The following PARVG variants were observed in gnomAD, a reference collection of about 807,000 sequenced individuals.
PARVG encodes the protein gamma-parvin.
PARVG carries 36 observed loss-of-function variants against 44.4 expected under a neutral mutation model. The observed-to-expected ratio is 0.81, with a 90% CI of 0.62 to 1.07. PARVG has a LOEUF of 1.07. Among genes scored for constraint, PARVG ranks in the 50% least tolerant of loss-of-function variants. The pLI is 0.00. For synonymous variants in PARVG, 170 were observed against 174.1 expected, an observed-to-expected ratio of 0.98 and a Z score of 0.19; for missense variants, 407 against 407.4, an observed-to-expected ratio of 1.00 and a Z score of 0.01.
chr22:44,177,267 C>T (rs763349868), upstream of PARVG, among the ~76,000 whole-genome samples: 1 of 152,158 alleles, frequency 6.6e-6, no homozygotes, highest in Non-Finnish European at 1.5e-5. Context: ...AAGTTGCATG[C>T]ATTATATCCT....
intron 8 of PARVG, among the ~76,000 whole-genome samples, chr22:44,192,801 C>T (rs1037240556): frequency 4.6e-5 from 7 of 152,182 alleles, no homozygotes; most frequent in Non-Finnish European, 7.4e-5. Flanking sequence ...CTAGGGCTGG[C>T]CATCTTGCTC....
intron 5 of PARVG, 167 bp from the exon 6 acceptor site, chr22:44,188,947 A>T: frequency 1.2e-6 from 1 of 808,632 alleles, no homozygotes; most frequent in East Asian, 2.6e-5. Flanking sequence ...GCTGGAGGGC[A>T]TACCCGATTG....
chr22:44,181,379 C>T, intron 1 of PARVG, 194 bp downstream of exon 1: 8 of 985,474 alleles, frequency 8.1e-6, no homozygotes, highest in Non-Finnish European at 9.6e-6. Context: ...AGGTAGGAGT[C>T]TCCTGCGTGG....
Position 44,181,341 on chromosome 22 carries a change from G to T in PARVG, c.-189+156G>T, listed in dbSNP as rs566456481. ...GCCTCAGCTCAGGGGCGGGCAGGGG[G>T]CGTGGGGAAGTCTGCAGCCGAGAGT... On this transcript the variant is annotated intron_variant, in intron 1 of 13. Coordinates refer to ENST00000444313, the MANE Select transcript of PARVG (RefSeq NM_022141.7). 3.9e-4 allele frequency: 388 copies of T among 985,532 alleles called. 2 individuals are homozygous for T. The African/African-American group carries it at 5.8e-3, about 15-fold the overall frequency. The allele number at this position is 985,532 out of a possible 1,614,324, so 61.0% of individuals were successfully genotyped here. A position where few individuals can be genotyped will look rare whatever the true frequency, so the allele number is the denominator to read the frequency against.
chr22:44,183,605 T>C (rs2147219148), intron 3 of PARVG, 197 bp downstream of exon 3: 1 of 526,376 alleles, frequency 1.9e-6, no homozygotes, highest in Admixed American at 4.0e-5. Flanking sequence ...GAACCTCTTC[T>C]CTCCAGATGA....
At chr22:44,173,839 G>A (rs960134969) in intron 1 of PARVG, among the ~76,000 whole-genome samples, 2 of 152,144 alleles carry the variant, frequency 1.3e-5, no homozygotes, top group Admixed American at 6.5e-5. Context: ...ATCCCACAGT[G>A]CACGGGACAG....
intron 1 of PARVG, among the ~76,000 whole-genome samples, chr22:44,175,009 C>G (rs1569173847): frequency 6.6e-6 from 1 of 152,182 alleles, no homozygotes; most frequent in Admixed American, 6.5e-5. Flanking sequence ...GTAATCCCAG[C>G]TACTAGGGAG....
chr22:44,187,397 G>C, intron 4 of PARVG: 1 of 272,516 alleles, frequency 3.7e-6, no homozygotes, highest in Non-Finnish European at 7.1e-6. Context: ...TATTTCTACT[G>C]ACCACCTCTT....
intron 12 of PARVG, among the ~76,000 whole-genome samples, chr22:44,200,093 C>A (rs185633735): frequency 1.4e-3 from 219 of 152,300 alleles, no homozygotes; most frequent in Non-Finnish European, 2.4e-3. Context: ...GTCCTGCCTC[C>A]GCCCCCGCCA....
chr22:44,197,468 G>A (rs1412287857), intron 11 of PARVG, among the ~76,000 whole-genome samples: 1 of 152,214 alleles, frequency 6.6e-6, no homozygotes. Flanking sequence ...TTTGAACCCA[G>A]GCAGCTGGGG....
intron 12 of PARVG, among the ~76,000 whole-genome samples, chr22:44,200,307 G>A (rs909430620): frequency 1.3e-5 from 2 of 152,346 alleles, no homozygotes; most frequent in African/African-American, 4.8e-5. Context: ...CAGGCAAGAG[G>A]CCTGAGTCTT....
At chr22:44,189,033 G>T (rs2054512460) in intron 5 of PARVG, 81 bp from the exon 6 acceptor site, 1 of 1,571,602 alleles carries the variant, frequency 6.4e-7, no homozygotes. Context: ...CACCAGGCAG[G>T]CTCAGCCTCC....
chr22:44,177,822 C>T (rs1420131462), upstream of PARVG, among the ~76,000 whole-genome samples: 2 of 152,180 alleles, frequency 1.3e-5, no homozygotes, highest in African/African-American at 2.4e-5. Flanking sequence ...GCCGTGATCA[C>T]ACCACTGCAC....
chr22:44,176,384 A>C (rs1349329264), upstream of PARVG, among the ~76,000 whole-genome samples: 1 of 152,188 alleles, frequency 6.6e-6, no homozygotes, highest in Non-Finnish European at 1.5e-5. Flanking sequence ...AAAATTCTGT[A>C]TGTGTCTGGT....
intron 6 of PARVG, 96 bp downstream of exon 6, chr22:44,189,350 C>A: frequency 6.6e-7 from 1 of 1,510,676 alleles, no homozygotes; most frequent in Non-Finnish European, 8.9e-7. Context: ...CGCACTCATC[C>A]TTCTCCCAGC....
rs1195622283 is a variant in PARVG, at chr22:44,208,446, T to C, written c.*2020T>C. 6.6e-6 allele frequency: 1 copy of C among 152,258 alleles called. No individual in the cohort carries two copies. The highest frequency in any genetic ancestry group is 1.5e-5 in the Non-Finnish European group (1 of 68,046). 9.4% of individuals were successfully genotyped at this position (152,258 alleles called of 1,614,324 possible). On this transcript the variant is annotated 3_prime_UTR_variant, in exon 14 of 14. Coordinates refer to ENST00000444313, the MANE Select transcript of PARVG (RefSeq NM_022141.7). The stretch of plus-strand genomic sequence containing the variant: ...CCATCATTTAGACTTGTCTAGAATT[T>C]CTTATAAACTGTATCCTATGGTATG...
At chr22:44,188,918 A>C in intron 5 of PARVG, 196 bp from the exon 6 acceptor site, 2 of 648,340 alleles carry the variant, frequency 3.1e-6, no homozygotes, top group Non-Finnish European at 5.2e-6. Context: ...TGTTCTGTGT[A>C]GATGAGGGTC....
In PARVG at chr22:44,205,793, G is replaced by A. The variant is rs372834221; in HGVS notation, c.850G>A (p.Asp284Asn). The change falls in exon 13 of 14, where the codon GAC becomes AAC. Residue 284 changes from aspartate to asparagine, a missense_variant. Transcript: ENST00000444313. ...CACCCTGGCGCTGGAGCTGCTGAAGGACGAGGGCCTGCTCAGCTGCCCTGT... is the reference window on the plus strand; with the variant it reads ...CACCCTGGCGCTGGAGCTGCTGAAGAACGAGGGCCTGCTCAGCTGCCCTGT... ...NVTLALELLK[D>N]EGLLSCPVSP... The A allele has an allele frequency of 1.2e-5, 20 of 1,613,492 alleles. No individual in the cohort carries two copies. Among genetic ancestry groups the A allele is most frequent in the Non-Finnish European group, 1.7e-5 (20 of 1,180,034 alleles).
rs773648959 is a variant in PARVG, at chr22:44,206,285, G to C, written c.887-32G>C. ...CAGTCGGTCACTGCCACCCAGGCCTGACTGGCTGCCCTGCCCTCCTTTGGC... is the reference window on the plus strand; with the variant it reads ...CAGTCGGTCACTGCCACCCAGGCCTCACTGGCTGCCCTGCCCTCCTTTGGC... On this transcript the variant is annotated intron_variant, in intron 13 of 13. Coordinates refer to ENST00000444313, the MANE Select transcript of PARVG (RefSeq NM_022141.7). 5.2e-6 allele frequency: 8 copies of C among 1,550,444 alleles called. No individual in the cohort carries two copies. In the Admixed American group the frequency reaches 6.7e-5, roughly 13 times the overall value.
Sources: gnomAD v4.1 joint callset for allele counts (sites outside exome capture counted in the v4.1 genomes callset) on GRCh38, gnomAD v4.1.1 for gene constraint, MANE v1.5 for transcripts, NCBI Gene and HGNC (gene_info 2026-07-23, HGNC 2026-07-21) for gene names.